The following ITFG1 variants were observed in gnomAD, a reference collection of about 807,000 sequenced individuals.
The protein encoded by ITFG1 is T-cell immunomodulatory protein.
Under a neutral mutation model 81.8 loss-of-function variants are expected in ITFG1, and 34 were observed. The observed-to-expected ratio is 0.42, with a 90% confidence interval of 0.32 to 0.55. The LOEUF is 0.55. ITFG1 is among the 20% of genes least tolerant of loss of function. ITFG1 has a pLI of 0.17. For missense variants in ITFG1, 672 were observed against 755.4 expected (o/e 0.89, Z 1.29); for synonymous variants, 285 against 270.6 (o/e 1.05, Z -0.52).
chr16:47,343,638 A>G (rs1449098204), intron 8 of ITFG1, among the ~76,000 whole-genome samples: 1 of 152,166 alleles, frequency 6.6e-6, no homozygotes, highest in Non-Finnish European at 1.5e-5. Flanking sequence ...AACACAAATG[A>G]AAGCCACAAC....
At chr16:47,420,585 C>T (rs969346179) in intron 6 of ITFG1, among the ~76,000 whole-genome samples, 4 of 152,124 alleles carry the variant, frequency 2.6e-5, no homozygotes, top group African/African-American at 7.2e-5. Context: ...GCCATCCTCA[C>T]GGTAATGATT....
rs551895353 is a variant in ITFG1, at chr16:47,421,023, T to C, written c.655+7781A>G. Among the ~76,000 whole-genome samples the C allele has an allele frequency of 4.6e-5, 7 of 152,282 alleles. No homozygotes were observed. The South Asian group carries it at 1.4e-3, about 32-fold the overall frequency. On this transcript the variant is annotated intron_variant, in intron 6 of 17. Coordinates refer to ENST00000320640, the MANE Select transcript of ITFG1 (RefSeq NM_030790.5). ...TTATATAAAGACCTTATATGTCTCTTTTTTGTTCAATTACCTTTCATCGAA... is the reference window on the plus strand; with the variant it reads ...TTATATAAAGACCTTATATGTCTCTCTTTTGTTCAATTACCTTTCATCGAA...
intron 6 of ITFG1, among the ~76,000 whole-genome samples, chr16:47,376,964 C>CAAAAA (rs1222007051): frequency 0.026 from 474 of 18,068 alleles, 163 homozygotes; most frequent in Middle Eastern, 0.048. Flanking sequence ...TCTGTCTCCC[C>CAAAAA]AAAAAAAAAA....
intron 12 of ITFG1, among the ~76,000 whole-genome samples, chr16:47,258,104 G>A (rs1392678651): frequency 6.6e-6 from 1 of 152,162 alleles, no homozygotes; most frequent in Admixed American, 6.5e-5. Context: ...AGTGAGTTTA[G>A]GGTAGAGAAA....
intron 6 of ITFG1, among the ~76,000 whole-genome samples, chr16:47,403,903 C>A (rs1476145212): frequency 1.3e-5 from 2 of 151,202 alleles, no homozygotes; most frequent in South Asian, 4.2e-4. Flanking sequence ...GGAACTGAGC[C>A]GCATGGCATC....
chr16:47,290,449 C>T (rs190026539), intron 10 of ITFG1, among the ~76,000 whole-genome samples: 1 of 152,234 alleles, frequency 6.6e-6, no homozygotes, highest in East Asian at 1.9e-4. Context: ...CTACCTTTCC[C>T]TTTAGATCTA....
chr16:47,442,590 A>C (rs911589492), intron 5 of ITFG1, among the ~76,000 whole-genome samples: 2 of 152,212 alleles, frequency 1.3e-5, no homozygotes, highest in Non-Finnish European at 2.9e-5. Flanking sequence ...CCTCAGAAAT[A>C]ATGTCGCATA....
chr16:47,361,153 G>C (rs1279683946), intron 8 of ITFG1, among the ~76,000 whole-genome samples: 10 of 152,118 alleles, frequency 6.6e-5, no homozygotes, highest in Non-Finnish European at 1.5e-4. Context: ...ATCATGCCCA[G>C]TATTCTCCCT....
rs1042886074 is a variant in ITFG1 at position 47,453,993 on chromosome 16, A to T, written c.427+20T>A. Reference sequence around the variant, plus strand: ...TTCATATTCAATGATAAATATTAAAAATTTTTAAAACAAATTCACCTAATG... The same window carrying T: ...TTCATATTCAATGATAAATATTAAATATTTTTAAAACAAATTCACCTAATG... On this transcript the variant is annotated intron_variant, in intron 3 of 17. Coordinates refer to ENST00000320640, the MANE Select transcript of ITFG1 (RefSeq NM_030790.5). 13 of 1,511,870 alleles carry T rather than the reference A, an allele frequency of 8.6e-6. No homozygotes were observed. Among genetic ancestry groups the T allele is most frequent in the Non-Finnish European group, 1.2e-5 (13 of 1,108,304 alleles). 93.7% of individuals were successfully genotyped at this position (1,511,870 alleles called of 1,614,324 possible).
chr16:47,234,186 G>A (rs1965846573), intron 13 of ITFG1, among the ~76,000 whole-genome samples: 1 of 152,170 alleles, frequency 6.6e-6, no homozygotes, highest in Non-Finnish European at 1.5e-5. Flanking sequence ...TATATAGCAG[G>A]CATTTTGGAA....
At chr16:47,206,703 C>CT (rs1232928998) in intron 14 of ITFG1, among the ~76,000 whole-genome samples, 2 of 152,168 alleles carry the variant, frequency 1.3e-5, no homozygotes, top group Non-Finnish European at 2.9e-5. Context: ...CTTGATTTCC[C>CT]TTTTTTCACC....
At chr16:47,378,708 T>G (rs1421993944) in intron 6 of ITFG1, among the ~76,000 whole-genome samples, 1 of 152,000 alleles carries the variant, frequency 6.6e-6, no homozygotes, top group African/African-American at 2.4e-5. Context: ...TATTCAATTA[T>G]GTAAAGGGGC....
chr16:47,161,834 T>C lies in ITFG1; in HGVS notation c.1579-2A>G. Reference sequence around the variant, plus strand: ...AGTCCACTCTTGTTTTCGTATAGACTGGAAGAAGAATTTAAGAACATTTAA... The same window carrying C: ...AGTCCACTCTTGTTTTCGTATAGACCGGAAGAAGAATTTAAGAACATTTAA... On this transcript the variant is annotated splice_acceptor_variant, in intron 15 of 17. Transcript: ENST00000320640. LOFTEE classifies it high-confidence loss of function. 1 of 1,562,882 alleles carries C rather than the reference T, an allele frequency of 6.4e-7. No homozygotes were observed. The highest frequency in any genetic ancestry group is 1.1e-5 in the South Asian group (1 of 89,898).
rs1286174174 is a variant in ITFG1 at position 47,454,080 on chromosome 16, A to G, written c.360T>C (p.Tyr120=). ...CACTCTTGGCATAATTTTTGGGAAG[A>G]TATGTCAGAAGGACATCCATTTGAG... ...GDSQMDVLLT[Y]LPKNYAKSEL... The change falls in exon 3 of 18, where the codon TAT becomes TAC. Residue 120 remains tyrosine (Y), a synonymous_variant. Transcript: ENST00000320640. The G allele has an allele frequency of 2.5e-6, 4 of 1,608,092 alleles. No homozygotes were observed. Among genetic ancestry groups the G allele is most frequent in the African/African-American group, 1.3e-5 (1 of 74,828 alleles).
At chr16:47,315,697 AT>A (rs1967343464) in intron 8 of ITFG1, among the ~76,000 whole-genome samples, 1 of 151,956 alleles carries the variant, frequency 6.6e-6, no homozygotes, top group Non-Finnish European at 1.5e-5. Flanking sequence ...ATTATCAGTA[AT>A]ATTTTATAGA....
chr16:47,393,463 A>T lies in ITFG1; in HGVS notation c.656-17523T>A, dbSNP rs536115674. Among the ~76,000 whole-genome samples, 9 of 152,136 alleles carry T rather than the reference A, an allele frequency of 5.9e-5. No individual in the cohort carries two copies. In the East Asian group the frequency reaches 1.7e-3, roughly 29 times the overall value. ...TGAGCAGTGGCAGCCGAGTGTGGTG[A>T]CTCATGCCTGTAATCCCAGCACTTT... On this transcript the variant is annotated intron_variant, in intron 6 of 17. Coordinates refer to ENST00000320640, the MANE Select transcript of ITFG1 (RefSeq NM_030790.5).
chr16:47,385,614 TTCAA>T (rs1323660939), intron 6 of ITFG1, among the ~76,000 whole-genome samples: 8 of 152,242 alleles, frequency 5.3e-5, no homozygotes, highest in Non-Finnish European at 8.8e-5. Context: ...AAAGCCTATC[TTCAA>T]TCATTCTAAT....
At chr16:47,201,224 T>G (rs2151520734) in intron 14 of ITFG1, among the ~76,000 whole-genome samples, 1 of 151,928 alleles carries the variant, frequency 6.6e-6, no homozygotes, top group East Asian at 1.9e-4. Flanking sequence ...TTTTTTTTTT[T>G]TTGAGACGGA....
intron 6 of ITFG1, among the ~76,000 whole-genome samples, chr16:47,423,251 A>ATTTTTTTTTTTTTT (rs748793229): frequency 8.5e-6 from 1 of 118,306 alleles, no homozygotes; most frequent in East Asian, 2.5e-4. Context: ...GCAATCCCTG[A>ATTTTTTTTTTTTTT]TTTTTTTTTT....
Sources: gnomAD v4.1 joint callset for allele counts (sites outside exome capture counted in the v4.1 genomes callset) on GRCh38, gnomAD v4.1.1 for gene constraint, MANE v1.5 for transcripts, NCBI Gene and HGNC (gene_info 2026-07-23, HGNC 2026-07-21) for gene names.